Variants in PDS5A observed in about 807,000 individuals in gnomAD.
The protein encoded by PDS5A is sister chromatid cohesion protein PDS5 homolog A.
PDS5A carries 42 observed loss-of-function variants against 167.1 expected under a neutral mutation model. The observed-to-expected ratio is 0.25, with a 90% CI of 0.20 to 0.33. PDS5A has a LOEUF of 0.33. Among genes scored for constraint, PDS5A ranks in the 10% least tolerant of loss-of-function variants. The probability of loss-of-function intolerance (pLI) is 1.00; values close to 1 mark genes in which losing one functional copy is unlikely to be tolerated. For synonymous variants in PDS5A, 553 were observed against 554.6 expected, an observed-to-expected ratio of 1.00 and a Z score of 0.04; for missense variants, 1,033 against 1,605.9, an observed-to-expected ratio of 0.64 and a Z score of 6.10.
Position 39,977,893 on chromosome 4 carries a change from G to A in PDS5A, c.-477C>T, listed in dbSNP as rs1731283704. 6.6e-6 allele frequency: 1 copy of A among 151,058 alleles called. No individual in the cohort carries two copies. Among genetic ancestry groups the A allele is most frequent in the African/African-American group, 2.4e-5 (1 of 41,282 alleles). 9.4% of individuals were successfully genotyped at this position (151,058 alleles called of 1,614,324 possible). On this transcript the variant is annotated 5_prime_UTR_variant, in exon 1 of 33. Transcript: ENST00000303538. This position sits in a 1 kb window ranked among gnomAD's most constrained non-coding sequence, Gnocchi z 4.2. ...TCGCGCACACACCGGCCGGTCACGC[G>A]AGCGGCGCGAGAGCACGCGAGAGCA...
chr4:39,863,724 C>T (rs1055753403), intron 23 of PDS5A, among the ~76,000 whole-genome samples: 1 of 152,166 alleles, frequency 6.6e-6, no homozygotes. Context: ...TTCACCACAA[C>T]CCAAAAACTC....
At chr4:39,868,740 G>A in intron 22 of PDS5A, 1 of 448,958 alleles carries the variant, frequency 2.2e-6, no homozygotes, top group South Asian at 1.6e-5. Flanking sequence ...AAAGTGCTGG[G>A]ATAATAGGTG....
Position 39,913,783 on chromosome 4 carries a change from T to C in PDS5A, c.877-57A>G, listed in dbSNP as rs374396348. ...GCTTTATTCACCAGATTACAGAAAA[T>C]ATCTTGAAACATTCTCAAGAAGATA... is the stretch of plus-strand genomic sequence containing the variant. On this transcript the variant is annotated intron_variant, in intron 8 of 32. Coordinates refer to ENST00000303538, the MANE Select transcript of PDS5A (RefSeq NM_001100399.2). 204 of 905,674 alleles carry C rather than the reference T, an allele frequency of 2.3e-4. 1 individual carries two copies. The South Asian group carries it at 2.5e-3, about 11-fold the overall frequency. The allele number at this position is 905,674 out of a possible 1,614,324, so 56.1% of individuals were successfully genotyped here.
intron 32 of PDS5A, among the ~76,000 whole-genome samples, chr4:39,830,889 G>A (rs1046112412): frequency 2.0e-5 from 3 of 152,250 alleles, no homozygotes; most frequent in Non-Finnish European, 2.9e-5. Flanking sequence ...TGAAAAAGAT[G>A]AGTAGAATTG....
intron 32 of PDS5A, among the ~76,000 whole-genome samples, chr4:39,836,474 G>A (rs1176563003): frequency 1.3e-5 from 2 of 151,942 alleles, no homozygotes; most frequent in African/African-American, 4.8e-5. Flanking sequence ...TCGCTTTGTC[G>A]CCCAGGCTGG....
intron 14 of PDS5A, among the ~76,000 whole-genome samples, chr4:39,899,443 C>T (rs1245729819): frequency 2.6e-5 from 4 of 152,150 alleles, no homozygotes; most frequent in Non-Finnish European, 5.9e-5. Context: ...ATAGTCATGT[C>T]CATTCATTTA....
At position 39,881,717 on chromosome 4, in the gene PDS5A, G is replaced by A. The variant is rs80081479; in HGVS notation, c.1887-1884C>T. Reference sequence around the variant, plus strand: ...TTCACCATTACTCCCTCCAGCCCTAGGCATTTACTAATCTATTTTCTCCCC... The same window carrying A: ...TTCACCATTACTCCCTCCAGCCCTAAGCATTTACTAATCTATTTTCTCCCC... On this transcript the variant is annotated intron_variant, in intron 17 of 32. Coordinates refer to ENST00000303538, the MANE Select transcript of PDS5A (RefSeq NM_001100399.2). Among the ~76,000 whole-genome samples, 3 of 152,142 alleles carry A rather than the reference G, an allele frequency of 2.0e-5. No individual in the cohort carries two copies. In the East Asian group the frequency reaches 5.8e-4, roughly 29 times the overall value.
chr4:39,913,042 AAG>A (rs1247836515), intron 9 of PDS5A, among the ~76,000 whole-genome samples: 9 of 152,026 alleles, frequency 5.9e-5, no homozygotes, highest in Admixed American at 2.0e-4. Flanking sequence ...TAAAGATCTT[AAG>A]ACTTAGAATA....
intron 18 of PDS5A, among the ~76,000 whole-genome samples, chr4:39,879,280 C>G (rs1720741943): frequency 6.6e-6 from 1 of 152,150 alleles, no homozygotes; most frequent in African/African-American, 2.4e-5. Flanking sequence ...ACTCGACAAT[C>G]TGGAACCAAC....
intron 2 of PDS5A, among the ~76,000 whole-genome samples, chr4:39,956,218 C>T (rs1009129680): frequency 7.9e-5 from 12 of 151,508 alleles, no homozygotes; most frequent in African/African-American, 2.4e-4. Context: ...TGGCAGGGTG[C>T]GATGGCTCAC....
At chr4:39,955,159 A>C (rs969043536) in intron 2 of PDS5A, among the ~76,000 whole-genome samples, 4 of 152,198 alleles carry the variant, frequency 2.6e-5, no homozygotes, top group Admixed American at 2.0e-4. Context: ...AGGAATATTA[A>C]AGGACAATAT....
At chr4:39,856,977 T>C (rs573668900) in intron 26 of PDS5A, among the ~76,000 whole-genome samples, 3 of 152,292 alleles carry the variant, frequency 2.0e-5, no homozygotes, top group African/African-American at 7.2e-5. Flanking sequence ...AATGTGTCCA[T>C]ATGCTATTGA....
At chr4:39,931,012 A>G (rs1256728569) in intron 2 of PDS5A, among the ~76,000 whole-genome samples, 2 of 152,242 alleles carry the variant, frequency 1.3e-5, no homozygotes, top group South Asian at 4.1e-4. Flanking sequence ...TTTGTGAAAC[A>G]AAAGATAGAG....
At chr4:39,970,092 C>T (rs1472417169) in intron 2 of PDS5A, among the ~76,000 whole-genome samples, 3 of 152,012 alleles carry the variant, frequency 2.0e-5, no homozygotes, top group African/African-American at 7.3e-5. Context: ...CCTCGTGATC[C>T]ACCCACCTTG....
chr4:39,876,109 T>C lies in PDS5A; in HGVS notation c.2153+884A>G, dbSNP rs77706809. Among the ~76,000 whole-genome samples the C allele has an allele frequency of 3.0e-3, 456 of 152,184 alleles. 9 individuals are homozygous for C. Among genetic ancestry groups the C allele is most frequent in the Admixed American group, 0.026 (401 of 15,266 alleles). On this transcript the variant is annotated intron_variant, in intron 19 of 32. Coordinates refer to ENST00000303538, the MANE Select transcript of PDS5A (RefSeq NM_001100399.2). ...TCATTTTCAACTGTGTCCTTTGGGG[T>C]AGAATTCCTCTAAGAATAGTTTCTT...
intron 32 of PDS5A, among the ~76,000 whole-genome samples, chr4:39,830,247 T>C (rs1304910477): frequency 2.0e-5 from 3 of 152,144 alleles, no homozygotes; most frequent in Non-Finnish European, 4.4e-5. Context: ...TGGAGTACAG[T>C]GGCACTATCA....
intron 30 of PDS5A, among the ~76,000 whole-genome samples, chr4:39,843,952 C>T (rs946772498): frequency 2.0e-5 from 3 of 151,624 alleles, no homozygotes; most frequent in African/African-American, 7.3e-5. Flanking sequence ...CGAGCCCGAC[C>T]TGGGGAAGAT....
intron 2 of PDS5A, among the ~76,000 whole-genome samples, chr4:39,954,332 C>T (rs903373145): frequency 6.6e-6 from 1 of 152,040 alleles, no homozygotes; most frequent in African/African-American, 2.4e-5. Context: ...TGCACCTCAG[C>T]CTTGGTGACA....
chr4:39,935,318 A>G (rs945942802), intron 2 of PDS5A, among the ~76,000 whole-genome samples: 8 of 152,150 alleles, frequency 5.3e-5, no homozygotes, highest in Non-Finnish European at 1.2e-4. Flanking sequence ...GGCTGGTCTC[A>G]AACTCCTGGC....
Sources: allele counts gnomAD v4.1 joint callset (sites outside exome capture counted in the v4.1 genomes callset), GRCh38; gene constraint gnomAD v4.1.1; non-coding constraint Gnocchi (gnomAD v3.1); transcripts MANE v1.5; gene names NCBI Gene and HGNC (gene_info 2026-07-23, HGNC 2026-07-21).